CCDC178: variants seen among roughly 807,000 people sequenced by gnomAD.
CCDC178 encodes coiled-coil domain-containing protein 178.
A neutral mutation model predicts 117.4 loss-of-function variants in CCDC178; 126 were observed. The ratio of observed to expected loss-of-function variants is 1.07; its 90% CI spans 0.93 to 1.24. The LOEUF (loss-of-function observed/expected upper bound fraction) is 1.24, where lower values mean the gene tolerates loss of function less well. CCDC178 is among the 50% of genes most tolerant of loss of function. The probability of loss-of-function intolerance (pLI) is 0.00; values close to 1 mark genes in which losing one functional copy is unlikely to be tolerated. For missense variants in CCDC178, 1,030 were observed against 986.9 expected (o/e 1.04, Z -0.59); for synonymous variants, 283 against 313.4 (o/e 0.90, Z 1.02).
At chr18:33,116,727 C>T (rs1342856361) in intron 20 of CCDC178, among the ~76,000 whole-genome samples, 1 of 152,026 alleles carries the variant, frequency 6.6e-6, no homozygotes, top group East Asian at 1.9e-4. Context: ...TTCAAGCCAG[C>T]AGGGAAGAAC....
At chr18:33,344,043 G>A (rs1468449632) in intron 9 of CCDC178, among the ~76,000 whole-genome samples, 1 of 151,880 alleles carries the variant, frequency 6.6e-6, no homozygotes, top group African/African-American at 2.4e-5. Context: ...GGTGGCTCAC[G>A]CCTGTAATCC....
At chr18:33,309,333 C>T (rs1345540289) in intron 11 of CCDC178, among the ~76,000 whole-genome samples, 2 of 151,682 alleles carry the variant, frequency 1.3e-5, no homozygotes, top group African/African-American at 2.4e-5. Context: ...AAAAAAATGG[C>T]CAATAAAAAA....
intron 20 of CCDC178, among the ~76,000 whole-genome samples, chr18:33,209,396 C>A (rs1719979716): frequency 6.6e-6 from 1 of 151,960 alleles, no homozygotes; most frequent in Non-Finnish European, 1.5e-5. Context: ...ACTCTTGTGA[C>A]TTTTATGAAG....
At chr18:33,322,705 G>T (rs1386840955) in intron 11 of CCDC178, among the ~76,000 whole-genome samples, 1 of 151,504 alleles carries the variant, frequency 6.6e-6, no homozygotes, top group Non-Finnish European at 1.5e-5. Flanking sequence ...TTATAAAAGA[G>T]ATTTCTTTAT....
chr18:33,408,712 A>G (rs1335850858), intron 3 of CCDC178, among the ~76,000 whole-genome samples: 7 of 152,192 alleles, frequency 4.6e-5, no homozygotes, highest in Admixed American at 4.6e-4. Context: ...TATTCTGTAA[A>G]AAAATTCATT....
chr18:33,143,660 G>GT (rs1242450479), intron 20 of CCDC178, among the ~76,000 whole-genome samples: 5 of 152,050 alleles, frequency 3.3e-5, no homozygotes. Flanking sequence ...ACAGATAAGC[G>GT]TGATGGTTAT....
intron 20 of CCDC178, among the ~76,000 whole-genome samples, chr18:33,118,253 T>C (rs543352557): frequency 1.3e-5 from 2 of 152,114 alleles, no homozygotes; most frequent in Non-Finnish European, 2.9e-5. Flanking sequence ...AGTTGGGGCA[T>C]TGTCCTCTAG....
intron 11 of CCDC178, among the ~76,000 whole-genome samples, chr18:33,307,422 G>T (rs2062270904): frequency 6.6e-6 from 1 of 152,196 alleles, no homozygotes; most frequent in African/African-American, 2.4e-5. Flanking sequence ...GTGGAACTTT[G>T]AACTTGAGAG....
intron 14 of CCDC178, among the ~76,000 whole-genome samples, chr18:33,250,516 T>A (rs948910719): frequency 4.0e-5 from 6 of 151,524 alleles, no homozygotes; most frequent in Admixed American, 6.6e-5. Context: ...CAAAATATAA[T>A]TTAATGAGAA....
At chr18:33,014,988 G>A (rs2055951262) in intron 21 of CCDC178, among the ~76,000 whole-genome samples, 1 of 152,154 alleles carries the variant, frequency 6.6e-6, no homozygotes. Flanking sequence ...GGGTGTGGTG[G>A]CTCACACCTG....
At chr18:33,256,973 T>C (rs2059687946) in intron 14 of CCDC178, among the ~76,000 whole-genome samples, 2 of 150,806 alleles carry the variant, frequency 1.3e-5, no homozygotes, top group Admixed American at 1.3e-4. Flanking sequence ...CAATCTGAGT[T>C]CTATTTATTT....
At chr18:33,062,945 C>T (rs1247336772) in intron 21 of CCDC178, among the ~76,000 whole-genome samples, 1 of 152,264 alleles carries the variant, frequency 6.6e-6, no homozygotes, top group African/African-American at 2.4e-5. Flanking sequence ...GACCAGTGTG[C>T]TAGGAAAGCT....
chr18:33,000,902 G>A (rs2144769012), intron 21 of CCDC178, among the ~76,000 whole-genome samples: 1 of 152,250 alleles, frequency 6.6e-6, no homozygotes, highest in African/African-American at 2.4e-5. Flanking sequence ...ATAATAGTAA[G>A]TATAGAGACA....
chr18:33,226,753 T>C (rs775784940), intron 16 of CCDC178, 40 bp downstream of exon 16: 1 of 1,385,900 alleles, frequency 7.2e-7, no homozygotes, highest in South Asian at 1.3e-5. Context: ...AAAATGCAAA[T>C]TAAAGGAAGA....
intron 20 of CCDC178, among the ~76,000 whole-genome samples, chr18:33,201,231 C>A (rs2058986722): frequency 6.6e-6 from 1 of 152,156 alleles, no homozygotes; most frequent in South Asian, 2.1e-4. Context: ...TTCCCTTTTG[C>A]TGAAAAATAT....
At chr18:33,408,030 CAAATATATTA>C (rs2063804873) in intron 3 of CCDC178, among the ~76,000 whole-genome samples, 2 of 151,412 alleles carry the variant, frequency 1.3e-5, no homozygotes, top group Admixed American at 6.6e-5. Context: ...ACAAAATCTA[CAAATATATTA>C]AAATACAGTA....
intron 21 of CCDC178, among the ~76,000 whole-genome samples, chr18:33,010,694 G>A (rs1417217944): frequency 6.6e-6 from 1 of 152,064 alleles, no homozygotes; most frequent in African/African-American, 2.4e-5. Flanking sequence ...CATACCAAAA[G>A]GACCATAAAT....
chr18:33,327,787 T>C (rs2062605152), intron 10 of CCDC178, among the ~76,000 whole-genome samples: 3 of 152,150 alleles, frequency 2.0e-5, no homozygotes, highest in Admixed American at 2.0e-4. Flanking sequence ...TATGAACAGA[T>C]ATATAACAGA....
At chr18:33,409,364 C>A (rs2063821355) in intron 3 of CCDC178, among the ~76,000 whole-genome samples, 1 of 152,196 alleles carries the variant, frequency 6.6e-6, no homozygotes, top group Admixed American at 6.5e-5. Flanking sequence ...GGATTACAGG[C>A]ATGAGCCACT....
Sources: gnomAD v4.1 joint callset for allele counts (sites outside exome capture counted in the v4.1 genomes callset) on GRCh38, gnomAD v4.1.1 for gene constraint, MANE v1.5 for transcripts, NCBI Gene and HGNC (gene_info 2026-07-23, HGNC 2026-07-21) for gene names.